The following TMEM181 variants were observed in gnomAD, a reference collection of about 807,000 sequenced individuals.
TMEM181 encodes the protein transmembrane protein 181.
TMEM181 carries 39 observed loss-of-function variants against 71.9 expected under a neutral mutation model. That is an observed-to-expected ratio of 0.54 (90% CI 0.42 to 0.71). The LOEUF (loss-of-function observed/expected upper bound fraction) is 0.71. Among genes scored for constraint, TMEM181 ranks in the 30% least tolerant of loss-of-function variants. TMEM181 has a pLI of 0.00. For missense variants in TMEM181, 595 were observed against 583.0 expected, an observed-to-expected ratio of 1.02 and a Z score of -0.21; for synonymous variants, 245 against 228.8, an observed-to-expected ratio of 1.07 and a Z score of -0.64.
At position 158,579,781 on chromosome 6, in the gene TMEM181, A is replaced by C. The variant is rs535994263; in HGVS notation, c.113-1159A>C. On this transcript the variant is annotated intron_variant, in intron 2 of 16. Coordinates refer to ENST00000684151, the MANE Select transcript of TMEM181 (RefSeq NM_001376852.1). ...TCATACAGAAGCTATAATATGGATG[A>C]ATTTTGAGGACATTATACTAAGTAA... 3.3e-5 allele frequency among the ~76,000 whole-genome samples: 5 copies of C among 152,332 alleles called. No individual in the cohort carries two copies. In the South Asian group the frequency reaches 8.3e-4, roughly 25 times the overall value.
chr6:158,568,186 G>A (rs1340293572), intron 1 of TMEM181, among the ~76,000 whole-genome samples: 1 of 152,152 alleles, frequency 6.6e-6, no homozygotes, highest in Non-Finnish European at 1.5e-5. Flanking sequence ...TTCAGGGTAC[G>A]AGAATGGAGA....
chr6:158,596,929 T>C (rs1057143115), intron 6 of TMEM181, among the ~76,000 whole-genome samples: 1 of 152,196 alleles, frequency 6.6e-6, no homozygotes, highest in South Asian at 2.1e-4. Flanking sequence ...CTGGGAGATA[T>C]AATTCAAGTT....
Position 158,632,477 on chromosome 6 carries a change from T to C in TMEM181, c.*589T>C, listed in dbSNP as rs913238543. The C allele has an allele frequency of 2.0e-5, 3 of 152,806 alleles. No homozygotes were observed. The highest frequency in any genetic ancestry group is 4.4e-5 in the Non-Finnish European group (3 of 68,462). The allele number at this position is 152,806 out of a possible 1,614,324, so 9.5% of individuals were successfully genotyped here. ...GTTATGACTCATCGGGAATGGGAGATGCTGGGGTTCCAACCCTTCACGTCA... is the reference window on the plus strand; with the variant it reads ...GTTATGACTCATCGGGAATGGGAGACGCTGGGGTTCCAACCCTTCACGTCA... On this transcript the variant is annotated 3_prime_UTR_variant, in exon 17 of 17. Transcript: ENST00000684151.
In TMEM181 at chr6:158,631,933, C is replaced by T; in HGVS notation, c.*45C>T. ...GGCGACAAGATGCCTGGATGCTTTCCCCGGTGACCGTCTGCTGACCTTCCC... is the reference window on the plus strand; with the variant it reads ...GGCGACAAGATGCCTGGATGCTTTCTCCGGTGACCGTCTGCTGACCTTCCC... On this transcript the variant is annotated 3_prime_UTR_variant, in exon 17 of 17. Transcript: ENST00000684151. 2 of 1,521,158 alleles carry T rather than the reference C, an allele frequency of 1.3e-6. No individual in the cohort carries two copies. The highest frequency in any genetic ancestry group is 2.4e-5 in the East Asian group (1 of 40,990). The allele number at this position is 1,521,158 out of a possible 1,614,324, so 94.2% of individuals were successfully genotyped here.
chr6:158,568,572 T>C (rs771756991), intron 1 of TMEM181, among the ~76,000 whole-genome samples: 21 of 152,202 alleles, frequency 1.4e-4, no homozygotes, highest in Admixed American at 7.9e-4. Flanking sequence ...ATCACAGACT[T>C]GCCTCTATGT....
At chr6:158,548,461 A>AG (rs1412594301) in intron 1 of TMEM181, among the ~76,000 whole-genome samples, 1 of 152,196 alleles carries the variant, frequency 6.6e-6, no homozygotes, top group Non-Finnish European at 1.5e-5. Flanking sequence ...TCTGGGACTG[A>AG]GGGCGTCTTC....
rs981836781 is a variant in TMEM181 at position 158,615,987 on chromosome 6, A to C, written c.896+7237A>C. On this transcript the variant is annotated intron_variant, in intron 10 of 16. Coordinates refer to ENST00000684151, the MANE Select transcript of TMEM181 (RefSeq NM_001376852.1). ...TGTGGGCTCTTTTTTGGCTCCATAT[A>C]AACTTTAAAGTAGTTTTTTCCAATT... Among the ~76,000 whole-genome samples the C allele has an allele frequency of 9.2e-5, 13 of 141,898 alleles. No homozygotes were observed. In the South Asian group the frequency reaches 2.6e-3, roughly 28 times the overall value. 93.1% of individuals were successfully genotyped at this position (141,898 alleles called of 152,430 possible).
chr6:158,604,251 T>C (rs1025010189), intron 6 of TMEM181, among the ~76,000 whole-genome samples: 2 of 152,238 alleles, frequency 1.3e-5, no homozygotes, highest in Non-Finnish European at 2.9e-5. Context: ...GCACCCCTTG[T>C]TGTTTCCCAT....
intron 1 of TMEM181, among the ~76,000 whole-genome samples, chr6:158,552,258 G>A (rs1781744034): frequency 6.6e-6 from 1 of 152,140 alleles, no homozygotes; most frequent in African/African-American, 2.4e-5. Flanking sequence ...AAAACCTCCT[G>A]CAGTGTGATT....
intron 10 of TMEM181, among the ~76,000 whole-genome samples, chr6:158,614,457 T>G (rs1562309161): frequency 6.7e-6 from 1 of 149,128 alleles, no homozygotes; most frequent in African/African-American, 2.5e-5. Context: ...TAATTTTTAA[T>G]GAAACCTTAT....
At chr6:158,595,424 C>T (rs887287892) in intron 6 of TMEM181, among the ~76,000 whole-genome samples, 1 of 152,192 alleles carries the variant, frequency 6.6e-6, no homozygotes, top group African/African-American at 2.4e-5. Flanking sequence ...TTGCCCCCTG[C>T]TGGGGAGCGT....
chr6:158,611,424 T>A (rs939005881), intron 10 of TMEM181: 3 of 539,336 alleles, frequency 5.6e-6, no homozygotes. Context: ...GGAGCCCTGA[T>A]GTCGAAGTCT....
intron 6 of TMEM181, among the ~76,000 whole-genome samples, chr6:158,604,032 A>G (rs749193321): frequency 7.2e-5 from 11 of 152,244 alleles, no homozygotes; most frequent in Non-Finnish European, 1.0e-4. Flanking sequence ...AGGCAAAAGC[A>G]TTCAGCATAT....
chr6:158,630,929 T>C (rs1786626293), intron 15 of TMEM181, among the ~76,000 whole-genome samples: 1 of 151,998 alleles, frequency 6.6e-6, no homozygotes, highest in Non-Finnish European at 1.5e-5. Flanking sequence ...CATATAATCA[T>C]GCCCGTTTTA....
rs1400429700 is a variant in TMEM181, at chr6:158,633,508, C to CA, written c.*1622dup. On this transcript the variant is annotated 3_prime_UTR_variant, in exon 17 of 17. Coordinates refer to ENST00000684151, the MANE Select transcript of TMEM181 (RefSeq NM_001376852.1). ...TCCAGAAGATGATAGTTCCGCAACG[C>CA]AAGCAGTACCTACTTTTTTTCTTCA... 4 of 152,198 alleles carry CA rather than the reference C, an allele frequency of 2.6e-5. No individual in the cohort carries two copies. The highest frequency in any genetic ancestry group is 4.4e-5 in the Non-Finnish European group (3 of 68,032). The allele number at this position is 152,198 out of a possible 1,614,324, so 9.4% of individuals were successfully genotyped here.
chr6:158,561,614 G>C (rs1782182785), intron 1 of TMEM181, among the ~76,000 whole-genome samples: 1 of 152,202 alleles, frequency 6.6e-6, no homozygotes, highest in Non-Finnish European at 1.5e-5. Context: ...GCCAGGACAG[G>C]GATCTGGGTC....
At chr6:158,546,639 A>G (rs1781534348) in intron 1 of TMEM181, among the ~76,000 whole-genome samples, 1 of 152,204 alleles carries the variant, frequency 6.6e-6, no homozygotes. Context: ...TTTACTGTAC[A>G]CTAGAATCCC....
chr6:158,631,231 C>A, intron 15 of TMEM181, 92 bp from the exon 16 acceptor site: 1 of 1,349,792 alleles, frequency 7.4e-7, no homozygotes, highest in Non-Finnish European at 1.1e-6. Context: ...CCAGTTCTTT[C>A]CAACTCCCTT....
chr6:158,623,094 G>A (rs1034683567), intron 10 of TMEM181, among the ~76,000 whole-genome samples: 12 of 152,134 alleles, frequency 7.9e-5, no homozygotes, highest in Non-Finnish European at 1.5e-4. Context: ...GAGTCACCCC[G>A]TCTGCTCCAG....
Sources: gnomAD v4.1 joint callset for allele counts (sites outside exome capture counted in the v4.1 genomes callset) on GRCh38, gnomAD v4.1.1 for gene constraint, MANE v1.5 for transcripts, NCBI Gene and HGNC (gene_info 2026-07-23, HGNC 2026-07-21) for gene names.